The following BMPR1B variants were observed in gnomAD, a reference collection of about 807,000 sequenced individuals.
BMPR1B encodes bone morphogenetic protein receptor type 1B, also known as bone morphogenetic protein receptor type-1B.
BMPR1B carries 12 observed loss-of-function variants against 59.1 expected under a neutral mutation model. The ratio of observed to expected loss-of-function variants is 0.20; its 90% CI spans 0.13 to 0.33. The LOEUF (loss-of-function observed/expected upper bound fraction) is 0.33. BMPR1B is among the 10% of genes least tolerant of loss of function. The pLI is 1.00. For synonymous variants in BMPR1B, 237 were observed against 207.3 expected (o/e 1.14, Z -1.23); for missense variants, 550 against 610.9 (o/e 0.90, Z 1.05).
At chr4:94,975,241 C>T (rs1056054823) in intron 2 of BMPR1B, among the ~76,000 whole-genome samples, 11 of 152,032 alleles carry the variant, frequency 7.2e-5, no homozygotes, top group Non-Finnish European at 7.4e-5. Context: ...TAACTCTGTC[C>T]AGGAAGTTGC....
intron 2 of BMPR1B, among the ~76,000 whole-genome samples, chr4:94,987,660 G>T (rs562649178): frequency 1.2e-4 from 19 of 152,010 alleles, no homozygotes; most frequent in Admixed American, 7.9e-4. Flanking sequence ...AATCTCTCTG[G>T]CATGGATGGT....
rs1286659322 is a variant in BMPR1B at position 94,804,120 on chromosome 4, C to T, written c.-183+46052C>T. Among the ~76,000 whole-genome samples the T allele has an allele frequency of 3.9e-5, 6 of 152,076 alleles. No homozygotes were observed. The South Asian group carries it at 1.0e-3, about 26-fold the overall frequency. On this transcript the variant is annotated intron_variant, in intron 1 of 12. Coordinates refer to ENST00000515059, the MANE Select transcript of BMPR1B (RefSeq NM_001203.3). ...GTCTCAATCTCCTGACCTTGTGATC[C>T]GCCTGCCTCGGCCTCCCAAAGTGCT...
chr4:94,924,702 A>G (rs1322845360), intron 2 of BMPR1B, among the ~76,000 whole-genome samples: 4 of 152,046 alleles, frequency 2.6e-5, no homozygotes, highest in African/African-American at 9.7e-5. Context: ...GATCAAGACA[A>G]TCAGTGTATT....
intron 3 of BMPR1B, among the ~76,000 whole-genome samples, chr4:95,086,736 T>G (rs1312034578): frequency 6.6e-6 from 1 of 152,076 alleles, no homozygotes; most frequent in East Asian, 1.9e-4. Context: ...CAGGGAGCAT[T>G]TGTAATGCCC....
chr4:94,868,018 A>ATTTTT (rs66760751), intron 1 of BMPR1B, among the ~76,000 whole-genome samples: 3 of 141,326 alleles, frequency 2.1e-5, no homozygotes, highest in Non-Finnish European at 3.1e-5. Flanking sequence ...TGCCCCGCTA[A>ATTTTT]TTTTTTTTTT....
intron 2 of BMPR1B, 76 bp downstream of exon 2, chr4:94,875,976 G>A (rs1726713677): frequency 6.6e-6 from 1 of 152,598 alleles, no homozygotes; most frequent in Non-Finnish European, 1.5e-5. Flanking sequence ...CTCCGACTTT[G>A]TGGTATGCTG....
At chr4:94,946,605 AATT>A (rs1276188310) in intron 2 of BMPR1B, among the ~76,000 whole-genome samples, 1 of 152,210 alleles carries the variant, frequency 6.6e-6, no homozygotes, top group Non-Finnish European at 1.5e-5. Context: ...AATAGCTGAA[AATT>A]ATTATTTCAC....
intron 3 of BMPR1B, among the ~76,000 whole-genome samples, chr4:95,040,064 C>A (rs1725542873): frequency 6.7e-6 from 1 of 150,056 alleles, no homozygotes. Context: ...ATGTGTAGAT[C>A]CATAGGACTG....
At chr4:94,919,393 T>G (rs1322267771) in intron 2 of BMPR1B, among the ~76,000 whole-genome samples, 1 of 152,218 alleles carries the variant, frequency 6.6e-6, no homozygotes, top group Non-Finnish European at 1.5e-5. Flanking sequence ...ACATGGATGC[T>G]CTTGTATATA....
At chr4:94,823,048 A>G (rs558213627) in intron 1 of BMPR1B, among the ~76,000 whole-genome samples, 35 of 152,310 alleles carry the variant, frequency 2.3e-4, no homozygotes, top group Non-Finnish European at 4.1e-4. Context: ...TTTGGTATCT[A>G]TGCTTGGCAA....
intron 3 of BMPR1B, among the ~76,000 whole-genome samples, chr4:95,076,670 A>G (rs970170358): frequency 6.6e-6 from 1 of 152,116 alleles, no homozygotes; most frequent in African/African-American, 2.4e-5. Flanking sequence ...AGTGACTCAT[A>G]TGTAAATAAA....
chr4:95,061,160 AACACACACACAC>A (rs58119571), intron 3 of BMPR1B, among the ~76,000 whole-genome samples: 3,572 of 142,622 alleles, frequency 0.025, 152 homozygotes, highest in African/African-American at 0.081. Context: ...ATTTAGAATA[AACACACACACAC>A]ACACACACAC....
At chr4:94,996,353 C>T (rs1722056995) in intron 3 of BMPR1B, 1 of 152,150 alleles carries the variant, frequency 6.6e-6, no homozygotes, top group East Asian at 1.9e-4. Context: ...AGGAACAGCT[C>T]TCAAGCACCA....
At chr4:94,909,353 T>C (rs533230756) in intron 2 of BMPR1B, among the ~76,000 whole-genome samples, 14 of 152,044 alleles carry the variant, frequency 9.2e-5, no homozygotes, top group Non-Finnish European at 1.9e-4. Context: ...GGAAGGCAGC[T>C]GTAGGGAAAA....
chr4:95,008,970 C>A (rs190923167), intron 3 of BMPR1B, among the ~76,000 whole-genome samples: 1 of 152,112 alleles, frequency 6.6e-6, no homozygotes, highest in Admixed American at 6.5e-5. Flanking sequence ...CAGAAGGATC[C>A]CTTGAGCCCC....
intron 1 of BMPR1B, among the ~76,000 whole-genome samples, chr4:94,849,113 A>G (rs1725465332): frequency 1.3e-5 from 2 of 152,140 alleles, no homozygotes; most frequent in Non-Finnish European, 2.9e-5. Context: ...CCATGTAGGG[A>G]GTGAATGTAG....
chr4:94,908,295 T>C (rs1728139078), intron 2 of BMPR1B, among the ~76,000 whole-genome samples: 2 of 151,790 alleles, frequency 1.3e-5, no homozygotes, highest in South Asian at 2.1e-4. Flanking sequence ...TTAGTGTGTA[T>C]GTGTCTGATA....
chr4:95,137,481 G>A (rs1165635016), intron 10 of BMPR1B, among the ~76,000 whole-genome samples: 16 of 152,056 alleles, frequency 1.1e-4, no homozygotes, highest in African/African-American at 2.7e-4. Flanking sequence ...TTTCTGTCTC[G>A]TTGATCTGTC....
rs528292601 is a variant in BMPR1B at position 95,058,893 on chromosome 4, T to A, written c.-17-45515T>A. Among the ~76,000 whole-genome samples the A allele has an allele frequency of 1.1e-4, 16 of 152,352 alleles. No individual in the cohort carries two copies. The East Asian group carries it at 3.1e-3, about 29-fold the overall frequency. ...TGTATAATTTTAATGATTATGCACT[T>A]TTTTATGGCGCTGAATCTCAACTGA... On this transcript the variant is annotated intron_variant, in intron 3 of 12. Coordinates refer to ENST00000515059, the MANE Select transcript of BMPR1B (RefSeq NM_001203.3).
Sources: gnomAD v4.1 joint callset for allele counts (sites outside exome capture counted in the v4.1 genomes callset) on GRCh38, gnomAD v4.1.1 for gene constraint, MANE v1.5 for transcripts, NCBI Gene and HGNC (gene_info 2026-07-23, HGNC 2026-07-21) for gene names.